SLIT2: variants seen among roughly 807,000 people sequenced by gnomAD.
The protein encoded by SLIT2 is slit homolog 2 protein.
A neutral mutation model predicts 185.7 loss-of-function variants in SLIT2; 41 were observed. That is an observed-to-expected ratio of 0.22 (90% confidence interval 0.17 to 0.29). The LOEUF (loss-of-function observed/expected upper bound fraction) is 0.29. Ranked by LOEUF, SLIT2 falls within the 10% of genes least tolerant of loss-of-function variation. The pLI is 1.00. For missense variants in SLIT2, 1,571 were observed against 1,909.0 expected, an observed-to-expected ratio of 0.82 and a Z score of 3.30; for synonymous variants, 693 against 680.2, an observed-to-expected ratio of 1.02 and a Z score of -0.29.
At chr4:20,507,327 T>A (rs1719304534) in intron 9 of SLIT2, among the ~76,000 whole-genome samples, 3 of 151,914 alleles carry the variant, frequency 2.0e-5, no homozygotes, top group Non-Finnish European at 2.9e-5. Flanking sequence ...ATTAGAAAAA[T>A]TAGTGATCAT....
At chr4:20,611,534 G>A (rs1449513478) in intron 34 of SLIT2, among the ~76,000 whole-genome samples, 1 of 152,206 alleles carries the variant, frequency 6.6e-6, no homozygotes, top group African/African-American at 2.4e-5. Flanking sequence ...ATTGCATAGT[G>A]AGTCTACTCA....
chr4:20,532,907 G>C (rs1012740633), intron 17 of SLIT2, among the ~76,000 whole-genome samples: 1 of 152,144 alleles, frequency 6.6e-6, no homozygotes, highest in African/African-American at 2.4e-5. Context: ...TTCTCTCAGA[G>C]AAATTAAAAT....
chr4:20,366,625 C>G (rs1723136683), intron 4 of SLIT2, among the ~76,000 whole-genome samples: 1 of 151,946 alleles, frequency 6.6e-6, no homozygotes, highest in Non-Finnish European at 1.5e-5. Context: ...TTGCATGTGC[C>G]TATCTCTATC....
intron 26 of SLIT2, among the ~76,000 whole-genome samples, chr4:20,554,753 C>T (rs944892339): frequency 2.0e-5 from 3 of 149,352 alleles, no homozygotes; most frequent in African/African-American, 7.5e-5. Flanking sequence ...TTTGGGGGGG[C>T]TTTTGTTTTG....
At chr4:20,558,651 C>T (rs999189903) in intron 26 of SLIT2, among the ~76,000 whole-genome samples, 27 of 151,936 alleles carry the variant, frequency 1.8e-4, no homozygotes, top group Non-Finnish European at 4.0e-4. Flanking sequence ...CTACGTACAT[C>T]TTTGTGTAAC....
At chr4:20,283,210 C>A (rs1438013382) in intron 4 of SLIT2, among the ~76,000 whole-genome samples, 1 of 152,132 alleles carries the variant, frequency 6.6e-6, no homozygotes, top group Non-Finnish European at 1.5e-5. Context: ...CTCTTCCCTG[C>A]CTCAGCCAAT....
chr4:20,486,123 T>G, intron 6 of SLIT2, 77 bp from the exon 7 acceptor site: 1 of 888,222 alleles, frequency 1.1e-6, no homozygotes, highest in Non-Finnish European at 1.9e-6. Flanking sequence ...GTACAAGACG[T>G]TTTCTCTATG....
chr4:20,296,160 C>A (rs1716455989), intron 4 of SLIT2, among the ~76,000 whole-genome samples: 1 of 152,108 alleles, frequency 6.6e-6, no homozygotes, highest in Non-Finnish European at 1.5e-5. Flanking sequence ...TTAAACAGTT[C>A]CTATTCTATC....
chr4:20,540,641 G>A (rs1001687699), intron 19 of SLIT2, among the ~76,000 whole-genome samples: 3 of 152,074 alleles, frequency 2.0e-5, no homozygotes, highest in Non-Finnish European at 2.9e-5. Context: ...AGTAACGGTG[G>A]CATGCAAATC....
chr4:20,534,094 T>C (rs3775816), intron 18 of SLIT2, among the ~76,000 whole-genome samples: 54,533 of 152,072 alleles, frequency 0.36, 10,024 homozygotes, highest in Admixed American at 0.47. Flanking sequence ...TATATGGATC[T>C]GACTACCCTG....
intron 4 of SLIT2, among the ~76,000 whole-genome samples, chr4:20,276,300 T>A (rs1042055213): frequency 6.6e-5 from 10 of 152,158 alleles, no homozygotes; most frequent in African/African-American, 2.2e-4. Flanking sequence ...ACTCATTACA[T>A]GTTACCTATA....
intron 29 of SLIT2, among the ~76,000 whole-genome samples, chr4:20,572,711 G>C (rs1406596767): frequency 6.6e-6 from 1 of 152,138 alleles, no homozygotes; most frequent in Non-Finnish European, 1.5e-5. Flanking sequence ...GCTGTATCAA[G>C]ACTGTGTGTC....
intron 5 of SLIT2, among the ~76,000 whole-genome samples, chr4:20,468,697 C>A (rs530613325): frequency 4.6e-5 from 7 of 152,076 alleles, no homozygotes; most frequent in African/African-American, 1.7e-4. Flanking sequence ...TTTTTCTTAG[C>A]TTTTACATTA....
intron 4 of SLIT2, among the ~76,000 whole-genome samples, chr4:20,290,377 T>C (rs1002820451): frequency 1.3e-5 from 2 of 152,148 alleles, no homozygotes; most frequent in African/African-American, 4.8e-5. Context: ...AACTATACAG[T>C]ATAACAACAA....
chr4:20,425,408 C>T (rs1273282238), intron 4 of SLIT2, among the ~76,000 whole-genome samples: 2 of 152,072 alleles, frequency 1.3e-5, no homozygotes, highest in African/African-American at 4.8e-5. Context: ...GTCCATTTCT[C>T]CTGAGCTTTC....
intron 4 of SLIT2, among the ~76,000 whole-genome samples, chr4:20,380,447 A>G (rs1724403526): frequency 6.6e-6 from 1 of 152,192 alleles, no homozygotes; most frequent in Non-Finnish European, 1.5e-5. Flanking sequence ...AGAGGAAGTA[A>G]AAATCAATAG....
intron 4 of SLIT2, among the ~76,000 whole-genome samples, chr4:20,370,985 G>A (rs1211254326): frequency 1.3e-5 from 2 of 151,894 alleles, no homozygotes; most frequent in Admixed American, 6.6e-5. Context: ...ATTGATCATC[G>A]TATCCCCTTC....
chr4:20,253,843 T>C lies in SLIT2; in HGVS notation c.28T>C (p.Ser10Pro). 1 of 1,599,994 alleles carries C rather than the reference T, an allele frequency of 6.3e-7. No homozygotes were observed. Among genetic ancestry groups the C allele is most frequent in the Non-Finnish European group, 8.5e-7 (1 of 1,179,850 alleles). MRGVGWQML[S>P]LSLGLVLAIL... ...GCGCGGCGTTGGCTGGCAGATGCTG[T>C]CCCTGTCGCTGGGGTTAGTGCTGGC... is the stretch of plus-strand genomic sequence containing the variant. Residue 10 changes from serine (S) to proline (P), a missense_variant, in exon 1 of 37, where the codon TCC becomes CCC. Physicochemically the swap from Ser to Pro is moderately conservative, Grantham distance 74. Coordinates refer to ENST00000504154, the MANE Select transcript of SLIT2 (RefSeq NM_004787.4).
intron 6 of SLIT2, among the ~76,000 whole-genome samples, chr4:20,483,266 A>T (rs1183768913): frequency 6.6e-6 from 1 of 151,980 alleles, no homozygotes; most frequent in Non-Finnish European, 1.5e-5. Flanking sequence ...TCAAATTAGG[A>T]TATATATGAG....
Sources: gnomAD v4.1 joint callset for allele counts (sites outside exome capture counted in the v4.1 genomes callset) on GRCh38, gnomAD v4.1.1 for gene constraint, MANE v1.5 for transcripts, NCBI Gene and HGNC (gene_info 2026-07-23, HGNC 2026-07-21) for gene names.